Variants in BPNT2 observed in about 807,000 individuals in gnomAD.
BPNT2 encodes the protein 3'(2'), 5'-bisphosphate nucleotidase 2.
Under a neutral mutation model 29.3 loss-of-function variants are expected in BPNT2, and 11 were observed. The observed-to-expected ratio is 0.38, with a 90% CI of 0.24 to 0.62. The LOEUF is 0.62. BPNT2 is among the 20% of genes least tolerant of loss of function. BPNT2 has a pLI of 0.62. For synonymous variants in BPNT2, 195 were observed against 187.7 expected (o/e 1.04, Z -0.32); for missense variants, 459 against 473.4 (o/e 0.97, Z 0.28).
At chr8:56,974,834 T>G (rs1398470347) in intron 3 of BPNT2, among the ~76,000 whole-genome samples, 1 of 152,176 alleles carries the variant, frequency 6.6e-6, no homozygotes, top group South Asian at 2.1e-4. Context: ...GAATATATAT[T>G]CTTATTAAAT....
At chr8:56,988,699 A>ATGTT (rs1249345906) in intron 1 of BPNT2, among the ~76,000 whole-genome samples, 1 of 152,182 alleles carries the variant, frequency 6.6e-6, no homozygotes, top group Non-Finnish European at 1.5e-5. Flanking sequence ...TTCAGTTCAG[A>ATGTT]TGTTTCTTCA....
Position 56,981,757 on chromosome 8 carries a change from G to C in BPNT2, c.388-1560C>G, listed in dbSNP as rs1026591265. Among the ~76,000 whole-genome samples the C allele has an allele frequency of 3.3e-5, 5 of 151,948 alleles. No individual in the cohort carries two copies. In the South Asian group the frequency reaches 1.0e-3, roughly 32 times the overall value. On this transcript the variant is annotated intron_variant, in intron 1 of 4. Coordinates refer to ENST00000262644, the MANE Select transcript of BPNT2 (RefSeq NM_017813.5). ...ATCACATCATCATACACACACACAAGAAAAAATGTCCCCAAAATTTTGATT... is the reference window on the plus strand; with the variant it reads ...ATCACATCATCATACACACACACAACAAAAAATGTCCCCAAAATTTTGATT...
chr8:56,980,162 C>T lies in BPNT2; in HGVS notation c.423G>A (p.Gln141=), dbSNP rs923337791. The T allele has an allele frequency of 1.2e-6, 2 of 1,613,776 alleles. No homozygotes were observed. Among genetic ancestry groups the T allele is most frequent in the Non-Finnish European group, 1.7e-6 (2 of 1,179,768 alleles). The change falls in exon 2 of 5, where the codon CAG becomes CAA. Residue 141 remains glutamine (Q), a synonymous_variant. Coordinates refer to ENST00000262644, the MANE Select transcript of BPNT2 (RefSeq NM_017813.5). ...TCTTATGATCCCACAAGATAACCTC[C>T]TGATCAGCTGCATCCACGTGTTCCT... ...NTEEHVDAAD[Q]EVILWDHKIP... is the part of the protein sequence containing the mutation.
chr8:56,980,738 G>T (rs1369431414), intron 1 of BPNT2, among the ~76,000 whole-genome samples: 1 of 149,718 alleles, frequency 6.7e-6, no homozygotes, highest in African/African-American at 2.5e-5. Context: ...TAGAGGAAGG[G>T]TTGTTACGAG....
chr8:56,993,656 AG>A lies in BPNT2; in HGVS notation c.-72del. ...CAGCGCCCGCCGCCGCCGCCGCCGCAGCCGCCGCGCTCCGGGCCAGGCGCCG... is the reference window on the plus strand; with the variant it reads ...CAGCGCCCGCCGCCGCCGCCGCCGCACCGCCGCGCTCCGGGCCAGGCGCCG... On this transcript the variant is annotated 5_prime_UTR_variant, in exon 1 of 5. Coordinates refer to ENST00000262644, the MANE Select transcript of BPNT2 (RefSeq NM_017813.5). 1.7e-6 allele frequency: 2 copies of A among 1,161,816 alleles called. No homozygotes were observed. The highest frequency in any genetic ancestry group is 2.1e-6 in the Non-Finnish European group (2 of 942,134). 72.0% of individuals were successfully genotyped at this position (1,161,816 alleles called of 1,614,324 possible). A position where few individuals can be genotyped will look rare whatever the true frequency, so the allele number is the denominator to read the frequency against.
At chr8:56,964,862 T>TG (rs1805914066) in intron 4 of BPNT2, among the ~76,000 whole-genome samples, 1 of 152,156 alleles carries the variant, frequency 6.6e-6, no homozygotes, top group African/African-American at 2.4e-5. Flanking sequence ...ATAAAACAAA[T>TG]GCAGAAGAAA....
chr8:56,983,830 A>G (rs1290275513), intron 1 of BPNT2, among the ~76,000 whole-genome samples: 2 of 152,104 alleles, frequency 1.3e-5, no homozygotes, highest in East Asian at 1.9e-4. Context: ...AAAAGTCAAG[A>G]AGCAACACAA....
chr8:56,980,819 T>TATATATAC (rs755705861), intron 1 of BPNT2, among the ~76,000 whole-genome samples: 4 of 141,510 alleles, frequency 2.8e-5, no homozygotes, highest in African/African-American at 1.1e-4. Flanking sequence ...TACATACATA[T>TATATATAC]ACACACACAC....
intron 1 of BPNT2, among the ~76,000 whole-genome samples, chr8:56,981,170 G>A (rs1166105084): frequency 1.3e-5 from 2 of 152,146 alleles, no homozygotes; most frequent in Non-Finnish European, 2.9e-5. Context: ...TCCGGACATT[G>A]TCAAGTGCGC....
chr8:56,965,334 A>G (rs1446912842), intron 4 of BPNT2, among the ~76,000 whole-genome samples: 1 of 152,192 alleles, frequency 6.6e-6, no homozygotes. Context: ...AAGAAAAAAC[A>G]AAACAAAACA....
chr8:56,958,288 T>C lies in BPNT2; in HGVS notation c.*5505A>G, dbSNP rs8718. Reference sequence around the variant, plus strand: ...GGGTGAGGTGGAAATACAAAAACACTAAGATGCAATCCCTCTCAAGAACTG... The same window carrying C: ...GGGTGAGGTGGAAATACAAAAACACCAAGATGCAATCCCTCTCAAGAACTG... On this transcript the variant is annotated 3_prime_UTR_variant, in exon 5 of 5. Transcript: ENST00000262644. 0.88 allele frequency: 134,625 copies of C among 152,188 alleles called. 59,581 individuals are homozygous for C. The highest frequency in any genetic ancestry group is 0.92 in the Admixed American group (14,061 of 15,278). 9.4% of individuals were successfully genotyped at this position (152,188 alleles called of 1,614,324 possible).
chr8:56,993,100 C>T, intron 1 of BPNT2, 99 bp downstream of exon 1: 8 of 1,528,736 alleles, frequency 5.2e-6, no homozygotes, highest in Non-Finnish European at 7.0e-6. Context: ...TCCACATCTA[C>T]AAAATGGAAC....
chr8:56,965,151 C>T (rs1047685891), intron 4 of BPNT2, among the ~76,000 whole-genome samples: 1 of 152,064 alleles, frequency 6.6e-6, no homozygotes, highest in African/African-American at 2.4e-5. Context: ...AAAACCCCGT[C>T]TCTACTAAAA....
intron 3 of BPNT2, 60 bp downstream of exon 3, chr8:56,977,990 A>C: frequency 1.9e-6 from 2 of 1,058,218 alleles, no homozygotes; most frequent in Non-Finnish European, 3.0e-6. Context: ...CATGACAGTA[A>C]ATACTATAGA....
Position 56,978,951 on chromosome 8 carries a change from T to A in BPNT2, c.551-806A>T, listed in dbSNP as rs145740750. Among the ~76,000 whole-genome samples, 424 of 152,322 alleles carry A rather than the reference T, an allele frequency of 2.8e-3. 2 individuals carry two copies. The highest frequency in any genetic ancestry group is 4.9e-3 in the Non-Finnish European group (330 of 68,018). ...AATAACTAATGGATACTAGGCTTAA[T>A]ACTTGGGTGTTGAAACAAATCTGTA... is the stretch of plus-strand genomic sequence containing the variant. On this transcript the variant is annotated intron_variant, in intron 2 of 4. Transcript: ENST00000262644.
chr8:56,980,285 C>G (rs1276814084), intron 1 of BPNT2, 88 bp from the exon 2 acceptor site: 1 of 1,018,478 alleles, frequency 9.8e-7, no homozygotes, highest in East Asian at 2.5e-5. Context: ...CAACAATCAC[C>G]CAAATTATAA....
intron 1 of BPNT2, among the ~76,000 whole-genome samples, chr8:56,989,330 C>T (rs1015899481): frequency 6.6e-6 from 1 of 150,618 alleles, no homozygotes; most frequent in Non-Finnish European, 1.5e-5. Flanking sequence ...TGAGATTGTG[C>T]CACTGCACTC....
At chr8:56,982,802 G>A (rs1458033122) in intron 1 of BPNT2, among the ~76,000 whole-genome samples, 1 of 152,104 alleles carries the variant, frequency 6.6e-6, no homozygotes, top group Non-Finnish European at 1.5e-5. Flanking sequence ...TATTCATAAT[G>A]GCTAAAATCA....
chr8:56,963,776 C>T lies in BPNT2; in HGVS notation c.*17G>A. Reference sequence around the variant, plus strand: ...CCATTTCAGCTGTGAAGAACTGTACCCTGTAATCAGTTATGCTCATTTATG... The same window carrying T: ...CCATTTCAGCTGTGAAGAACTGTACTCTGTAATCAGTTATGCTCATTTATG... On this transcript the variant is annotated 3_prime_UTR_variant, in exon 5 of 5. Transcript: ENST00000262644. 1.9e-6 allele frequency: 3 copies of T among 1,613,774 alleles called. No individual in the cohort carries two copies. The highest frequency in any genetic ancestry group is 2.5e-6 in the Non-Finnish European group (3 of 1,179,770).
Sources: allele counts gnomAD v4.1 joint callset (sites outside exome capture counted in the v4.1 genomes callset), GRCh38; gene constraint gnomAD v4.1.1; transcripts MANE v1.5; gene names NCBI Gene and HGNC (gene_info 2026-07-23, HGNC 2026-07-21).